The following VPS13B variants were observed in gnomAD, a reference collection of about 807,000 sequenced individuals.
VPS13B encodes intermembrane lipid transfer protein VPS13B.
VPS13B carries 285 observed loss-of-function variants against 426.4 expected under a neutral mutation model. The ratio of observed to expected loss-of-function variants is 0.67; its 90% CI spans 0.61 to 0.74. The LOEUF is 0.74. Ranked by LOEUF, VPS13B falls within the 30% of genes least tolerant of loss-of-function variation. The probability of loss-of-function intolerance (pLI) is 0.00; values close to 1 mark genes in which losing one functional copy is unlikely to be tolerated. For missense variants in VPS13B, 4,537 were observed against 4,782.6 expected (o/e 0.95, Z 1.51); for synonymous variants, 1,676 against 1,676.4 (o/e 1.00, Z 0.01).
chr8:99,221,622 C>T (rs1056294631), intron 17 of VPS13B, among the ~76,000 whole-genome samples: 1 of 152,154 alleles, frequency 6.6e-6, no homozygotes, highest in African/African-American at 2.4e-5. Context: ...TTTTCAGTCG[C>T]GGACACACCG....
chr8:99,228,809 G>A (rs1816160992), intron 17 of VPS13B, among the ~76,000 whole-genome samples: 1 of 152,094 alleles, frequency 6.6e-6, no homozygotes, highest in South Asian at 2.1e-4. Context: ...AATAGTGTGT[G>A]GTAAGTACTG....
chr8:99,039,396 T>C (rs1428863381), intron 3 of VPS13B, among the ~76,000 whole-genome samples: 1 of 152,286 alleles, frequency 6.6e-6, no homozygotes, highest in Non-Finnish European at 1.5e-5. Context: ...TAGTGTTTTT[T>C]TGCAGATGTA....
chr8:99,246,331 G>A (rs1473405860), intron 17 of VPS13B, among the ~76,000 whole-genome samples: 1 of 152,180 alleles, frequency 6.6e-6, no homozygotes, highest in Non-Finnish European at 1.5e-5. Flanking sequence ...AATCTAATGT[G>A]GACCCATGGT....
chr8:99,269,395 G>A (rs1818461586), intron 17 of VPS13B, among the ~76,000 whole-genome samples: 1 of 152,092 alleles, frequency 6.6e-6, no homozygotes, highest in Non-Finnish European at 1.5e-5. Context: ...TTTTTCAAAT[G>A]TGGGTATTTT....
At chr8:99,173,251 G>A (rs1168023541) in intron 16 of VPS13B, among the ~76,000 whole-genome samples, 1 of 152,088 alleles carries the variant, frequency 6.6e-6, no homozygotes, top group African/African-American at 2.4e-5. Context: ...TAGGCTGGTG[G>A]TATTGATGTG....
intron 39 of VPS13B, among the ~76,000 whole-genome samples, chr8:99,750,113 G>T (rs964301533): frequency 2.2e-4 from 33 of 151,852 alleles, no homozygotes; most frequent in Admixed American, 2.6e-4. Context: ...TGTTTGAAAT[G>T]GTTTATATTT....
chr8:99,195,066 C>G (rs1004336226), intron 17 of VPS13B, among the ~76,000 whole-genome samples: 1 of 152,034 alleles, frequency 6.6e-6, no homozygotes. Flanking sequence ...AGGATGGTCT[C>G]TATCTCTTGA....
chr8:99,039,095 C>T (rs1165843628), intron 3 of VPS13B, among the ~76,000 whole-genome samples: 1 of 152,098 alleles, frequency 6.6e-6, no homozygotes, highest in South Asian at 2.1e-4. Flanking sequence ...TGTCATAGCT[C>T]TACTAGGGAC....
At chr8:99,273,507 G>C (rs528166481) in intron 17 of VPS13B, among the ~76,000 whole-genome samples, 1 of 151,992 alleles carries the variant, frequency 6.6e-6, no homozygotes, top group Admixed American at 6.6e-5. Flanking sequence ...CACCTAGGCC[G>C]GGCCTGGTGG....
chr8:99,566,627 G>C (rs1267762596), intron 31 of VPS13B, among the ~76,000 whole-genome samples: 1 of 152,098 alleles, frequency 6.6e-6, no homozygotes, highest in African/African-American at 2.4e-5. Context: ...ATTTTTAGTA[G>C]AGACGGGGTT....
intron 19 of VPS13B, among the ~76,000 whole-genome samples, chr8:99,335,435 T>C (rs1027041557): frequency 3.9e-5 from 6 of 152,182 alleles, no homozygotes; most frequent in Non-Finnish European, 5.9e-5. Context: ...TCTAGTTCTT[T>C]TAATTGTGAT....
At chr8:99,537,458 A>C (rs532020534) in intron 30 of VPS13B, among the ~76,000 whole-genome samples, 1 of 152,200 alleles carries the variant, frequency 6.6e-6, no homozygotes. Context: ...ATGCGAAAAC[A>C]TCTTTCAGGT....
At chr8:99,845,849 G>A (rs1815954485) in intron 54 of VPS13B, among the ~76,000 whole-genome samples, 1 of 152,174 alleles carries the variant, frequency 6.6e-6, no homozygotes, top group Non-Finnish European at 1.5e-5. Context: ...AAGTAAATGA[G>A]CATGTTCCAA....
intron 17 of VPS13B, among the ~76,000 whole-genome samples, chr8:99,235,153 C>T (rs1206158122): frequency 1.3e-5 from 2 of 152,190 alleles, no homozygotes; most frequent in Admixed American, 1.3e-4. Flanking sequence ...ATCTTCAGTG[C>T]TTCCAAAAAA....
chr8:99,046,124 A>G (rs575065184), intron 3 of VPS13B, among the ~76,000 whole-genome samples: 1 of 152,174 alleles, frequency 6.6e-6, no homozygotes, highest in South Asian at 2.1e-4. Context: ...GAATTTGTAG[A>G]TTGCTTTTGG....
intron 33 of VPS13B, 55 bp from the exon 34 acceptor site, chr8:99,641,756 A>G (rs974822688): frequency 3.3e-6 from 5 of 1,508,956 alleles, no homozygotes; most frequent in African/African-American, 2.8e-5. Context: ...AACATTGTTT[A>G]TATGACACTT....
intron 16 of VPS13B, among the ~76,000 whole-genome samples, chr8:99,179,139 A>G (rs569547995): frequency 4.9e-4 from 75 of 152,150 alleles, no homozygotes; most frequent in Non-Finnish European, 9.3e-4. Flanking sequence ...TTTGGTGCCT[A>G]TCATGTTAAA....
At chr8:99,776,534 A>G (rs1811749862) in intron 40 of VPS13B, among the ~76,000 whole-genome samples, 1 of 152,138 alleles carries the variant, frequency 6.6e-6, no homozygotes, top group African/African-American at 2.4e-5. Context: ...AGCTGAAGTG[A>G]TCCTGCTGCC....
At chr8:99,730,277 C>T (rs934838941) in intron 39 of VPS13B, among the ~76,000 whole-genome samples, 3 of 152,024 alleles carry the variant, frequency 2.0e-5, no homozygotes, top group Non-Finnish European at 4.4e-5. Flanking sequence ...AATAAAAAGG[C>T]CTGGGGGCTT....
Sources: gnomAD v4.1 joint callset for allele counts (sites outside exome capture counted in the v4.1 genomes callset) on GRCh38, gnomAD v4.1.1 for gene constraint, MANE v1.5 for transcripts, NCBI Gene and HGNC (gene_info 2026-07-23, HGNC 2026-07-21) for gene names.